The following CTNNA2 variants were observed in gnomAD, a reference collection of about 807,000 sequenced individuals.
The protein encoded by CTNNA2 is catenin alpha-2.
A neutral mutation model predicts 101.0 loss-of-function variants in CTNNA2; 42 were observed. The ratio of observed to expected loss-of-function variants is 0.42; its 90% CI spans 0.32 to 0.54. The LOEUF (loss-of-function observed/expected upper bound fraction) is 0.54, where lower values mean the gene tolerates loss of function less well. Ranked by LOEUF, CTNNA2 falls within the 20% of genes least tolerant of loss-of-function variation. CTNNA2 has a pLI of 0.14. For synonymous variants in CTNNA2, 450 were observed against 456.4 expected (o/e 0.99, Z 0.18); for missense variants, 871 against 1,223.1 (o/e 0.71, Z 4.29).
At chr2:80,323,721 T>C (rs1678954295) in intron 7 of CTNNA2, among the ~76,000 whole-genome samples, 1 of 152,146 alleles carries the variant, frequency 6.6e-6, no homozygotes. Context: ...TATGTATTTT[T>C]AGCACCATGA....
At chr2:80,521,508 G>A (rs1437589829) in intron 9 of CTNNA2, among the ~76,000 whole-genome samples, 1 of 152,194 alleles carries the variant, frequency 6.6e-6, no homozygotes, top group Admixed American at 6.5e-5. Flanking sequence ...TTTAAGGTCA[G>A]GACATGAGCC....
At chr2:80,057,462 C>T (rs908740046) in intron 7 of CTNNA2, among the ~76,000 whole-genome samples, 3 of 152,126 alleles carry the variant, frequency 2.0e-5, no homozygotes, top group Admixed American at 6.6e-5. Context: ...AAGTCTCAAA[C>T]CTTCTTGGGA....
intron 7 of CTNNA2, among the ~76,000 whole-genome samples, chr2:80,269,257 T>G (rs772415672): frequency 8.5e-5 from 13 of 152,314 alleles, no homozygotes; most frequent in Non-Finnish European, 1.9e-4. Flanking sequence ...CCCCTTGCTA[T>G]TCTCGTGATA....
Position 80,604,086 on chromosome 2 carries a change from A to C in CTNNA2, c.2202A>C (p.Pro734=). The part of the protein sequence containing the change: ...EMTDFTRGKG[P]LKNTSDVINA... ...TATGTTGTTTCAGAGGCAAAGGCCC[A>C]TTGAAAAATACATCTGATGTCATTA... The change falls in exon 16 of 19, where the codon CCA becomes CCC. Residue 734 remains proline, a synonymous_variant. Coordinates refer to ENST00000402739, the MANE Select transcript of CTNNA2 (RefSeq NM_001282597.3). 2.5e-6 allele frequency: 4 copies of C among 1,612,932 alleles called. No homozygotes were observed. The highest frequency in any genetic ancestry group is 3.4e-6 in the Non-Finnish European group (4 of 1,179,324).
chr2:79,822,065 A>G (rs570194188), intron 3 of CTNNA2, among the ~76,000 whole-genome samples: 29 of 152,328 alleles, frequency 1.9e-4, no homozygotes, highest in African/African-American at 6.7e-4. Flanking sequence ...AATTGCTAAG[A>G]TGTTACACTT....
intron 3 of CTNNA2, among the ~76,000 whole-genome samples, chr2:79,768,166 T>C (rs2105125835): frequency 6.6e-6 from 1 of 151,846 alleles, no homozygotes; most frequent in African/African-American, 2.4e-5. Context: ...TTTTCCTTTC[T>C]TCTCTAACAG....
chr2:79,402,954 G>C (rs911802790), intron 4 of CTNNA2, among the ~76,000 whole-genome samples: 3 of 151,816 alleles, frequency 2.0e-5, no homozygotes, highest in African/African-American at 7.2e-5. Context: ...GTTATGGGAT[G>C]CAGCCAAAGC....
At chr2:80,639,913 C>A (rs1673281650) in intron 18 of CTNNA2, among the ~76,000 whole-genome samples, 2 of 151,862 alleles carry the variant, frequency 1.3e-5, no homozygotes, top group Non-Finnish European at 2.9e-5. Context: ...CCAGCCTGAC[C>A]AACATGGTGA....
chr2:79,591,407 A>G (rs964445474), intron 1 of CTNNA2, among the ~76,000 whole-genome samples: 12 of 152,332 alleles, frequency 7.9e-5, no homozygotes, highest in African/African-American at 2.9e-4. Context: ...ACATTGATGC[A>G]TTATCACTCC....
intron 7 of CTNNA2, among the ~76,000 whole-genome samples, chr2:80,293,964 G>T (rs560692114): frequency 2.6e-5 from 4 of 152,162 alleles, no homozygotes; most frequent in African/African-American, 9.7e-5. Flanking sequence ...GTAACTGCAG[G>T]ACTTCAGTGG....
chr2:79,847,645 C>T (rs1194762983), intron 3 of CTNNA2, among the ~76,000 whole-genome samples: 2 of 146,300 alleles, frequency 1.4e-5, no homozygotes, highest in African/African-American at 2.5e-5. Context: ...CTGGATTTTG[C>T]ATCTGTTAAA....
intron 4 of CTNNA2, among the ~76,000 whole-genome samples, chr2:79,502,196 T>C (rs1285999150): frequency 1.3e-5 from 2 of 152,150 alleles, no homozygotes; most frequent in Non-Finnish European, 2.9e-5. Flanking sequence ...GTTTTACTCA[T>C]TTTAGCTAAA....
At chr2:80,633,816 T>C (rs916272185) in intron 18 of CTNNA2, among the ~76,000 whole-genome samples, 3 of 152,196 alleles carry the variant, frequency 2.0e-5, no homozygotes, top group Non-Finnish European at 2.9e-5. Context: ...GCTGGTGCTA[T>C]TAATGGAGGA....
At chr2:80,498,280 G>T (rs1687622081) in intron 9 of CTNNA2, among the ~76,000 whole-genome samples, 1 of 152,178 alleles carries the variant, frequency 6.6e-6, no homozygotes, top group Non-Finnish European at 1.5e-5. Flanking sequence ...TGGCCTACAT[G>T]ACTTTCTAGA....
intron 7 of CTNNA2, among the ~76,000 whole-genome samples, chr2:80,231,695 T>G (rs1372478157): frequency 6.6e-6 from 1 of 152,050 alleles, no homozygotes; most frequent in Non-Finnish European, 1.5e-5. Flanking sequence ...GATCCCAAAT[T>G]CCAACCTGAC....
intron 7 of CTNNA2, among the ~76,000 whole-genome samples, chr2:80,155,546 C>A (rs1703956572): frequency 6.6e-6 from 1 of 152,054 alleles, no homozygotes; most frequent in African/African-American, 2.4e-5. Flanking sequence ...ATTTCCTTTC[C>A]TTTTCTTCTT....
At chr2:80,525,532 AC>A (rs765513652) in intron 9 of CTNNA2, among the ~76,000 whole-genome samples, 12 of 152,150 alleles carry the variant, frequency 7.9e-5, no homozygotes, top group Non-Finnish European at 1.6e-4. Context: ...AAAAAAACAA[AC>A]AACAACAAAA....
At chr2:79,477,168 C>CTTT (rs5832392) in intron 4 of CTNNA2, among the ~76,000 whole-genome samples, 564 of 123,074 alleles carry the variant, frequency 4.6e-3, no homozygotes, top group East Asian at 5.8e-3. Flanking sequence ...TCTTTTTTTT[C>CTTT]TTTTTTTTTT....
intron 7 of CTNNA2, among the ~76,000 whole-genome samples, chr2:80,121,210 T>C (rs1701813653): frequency 6.6e-6 from 1 of 152,190 alleles, no homozygotes; most frequent in South Asian, 2.1e-4. Flanking sequence ...TAGATTATAA[T>C]TTAGATTAGA....
Sources: allele counts gnomAD v4.1 joint callset (sites outside exome capture counted in the v4.1 genomes callset), GRCh38; gene constraint gnomAD v4.1.1; transcripts MANE v1.5; gene names NCBI Gene and HGNC (gene_info 2026-07-23, HGNC 2026-07-21).